SORCS2: variants seen among roughly 807,000 people sequenced by gnomAD.
SORCS2 encodes sortilin related VPS10 domain containing receptor 2, also known as VPS10 domain-containing receptor SorCS2.
In SORCS2, 100 loss-of-function variants were observed where a neutral mutation model predicts 141.6. The observed-to-expected ratio is 0.71, with a 90% CI of 0.60 to 0.83. SORCS2 has a LOEUF of 0.83. SORCS2 is among the 40% of genes least tolerant of loss of function. The pLI, the probability that SORCS2 is intolerant of heterozygous loss-of-function variation, is 0.00. For missense variants in SORCS2, 1,646 were observed against 1,560.2 expected, an observed-to-expected ratio of 1.05 and a Z score of -0.93; for synonymous variants, 789 against 676.9, an observed-to-expected ratio of 1.17 and a Z score of -2.57.
intron 1 of SORCS2, among the ~76,000 whole-genome samples, chr4:7,364,398 C>CTG (rs1450421298): frequency 6.6e-6 from 1 of 152,182 alleles, no homozygotes; most frequent in Non-Finnish European, 1.5e-5. Flanking sequence ...AGCAATGTGA[C>CTG]TGACATTTTC....
intron 2 of SORCS2, among the ~76,000 whole-genome samples, chr4:7,397,526 C>T (rs765073532): frequency 3.3e-5 from 5 of 152,092 alleles, no homozygotes; most frequent in Admixed American, 6.5e-5. Context: ...CACCAGAAAA[C>T]GGGGGGTGAG....
chr4:7,639,937 CTG>C (rs1475999118), intron 4 of SORCS2, among the ~76,000 whole-genome samples: 200 of 14,374 alleles, frequency 0.014, 5 homozygotes, highest in Admixed American at 0.056. Flanking sequence ...GAGAATATGT[CTG>C]TGTTTGTGAG....
intron 2 of SORCS2, among the ~76,000 whole-genome samples, chr4:7,419,060 C>T (rs1020287489): frequency 1.3e-5 from 2 of 152,252 alleles, no homozygotes; most frequent in South Asian, 2.1e-4. Flanking sequence ...TCTCATTGGC[C>T]AAAGCAAATC....
chr4:7,330,192 G>A (rs898384189), intron 1 of SORCS2, among the ~76,000 whole-genome samples: 4 of 151,772 alleles, frequency 2.6e-5, no homozygotes, highest in South Asian at 2.1e-4. Context: ...GGACACGTGT[G>A]ATTGCATTAG....
intron 3 of SORCS2, among the ~76,000 whole-genome samples, chr4:7,598,595 A>G (rs1347142333): frequency 2.0e-5 from 3 of 152,128 alleles, no homozygotes; most frequent in African/African-American, 7.2e-5. Flanking sequence ...GTGGGGGGCA[A>G]TGCAGGAGGC....
chr4:7,378,505 C>T (rs1460631243), intron 1 of SORCS2, among the ~76,000 whole-genome samples: 1 of 152,154 alleles, frequency 6.6e-6, no homozygotes, highest in Non-Finnish European at 1.5e-5. Context: ...AAGGGGGAAG[C>T]CCTTTATAAA....
At chr4:7,628,393 C>G (rs1012382175) in intron 3 of SORCS2, among the ~76,000 whole-genome samples, 1 of 152,026 alleles carries the variant, frequency 6.6e-6, no homozygotes, top group Non-Finnish European at 1.5e-5. Flanking sequence ...GTGGCGGGCG[C>G]CTGTAGTCCC....
intron 8 of SORCS2, among the ~76,000 whole-genome samples, chr4:7,671,036 G>A (rs1203068578): frequency 6.6e-6 from 1 of 152,140 alleles, no homozygotes; most frequent in African/African-American, 2.4e-5. Context: ...ACATTCAAAA[G>A]CAACTGTATA....
intron 2 of SORCS2, among the ~76,000 whole-genome samples, chr4:7,469,898 T>G (rs895843642): frequency 6.6e-6 from 1 of 152,186 alleles, no homozygotes; most frequent in Non-Finnish European, 1.5e-5. Context: ...CTCCTCAGTT[T>G]GTCATCAGAG....
At chr4:7,686,637 C>G (rs1723892490) in intron 10 of SORCS2, among the ~76,000 whole-genome samples, 1 of 152,240 alleles carries the variant, frequency 6.6e-6, no homozygotes, top group African/African-American at 2.4e-5. Context: ...ACCACATGCA[C>G]CCAAGGCGGG....
Position 7,550,103 on chromosome 4 carries a change from T to TA in SORCS2, c.648+18474_648+18475insA, listed in dbSNP as rs1308285127. ...CACCTGCCGGGAGCTGGTGTTTTTT[T>TA]TTTTCCGTGTGTGTGTGTGTATGTG... On this transcript the variant is annotated intron_variant, in intron 3 of 26. Coordinates refer to ENST00000507866, the MANE Select transcript of SORCS2 (RefSeq NM_020777.3). Among the ~76,000 whole-genome samples the TA allele has an allele frequency of 4.8e-5, 7 of 145,336 alleles. No individual in the cohort carries two copies. The East Asian group carries it at 1.2e-3, about 26-fold the overall frequency.
intron 5 of SORCS2, among the ~76,000 whole-genome samples, chr4:7,654,811 C>T (rs918823138): frequency 2.6e-5 from 4 of 152,222 alleles, no homozygotes; most frequent in African/African-American, 9.6e-5. Context: ...ACCCTGGCCT[C>T]CTGAGGAGCC....
chr4:7,391,678 T>C (rs1046759762), intron 1 of SORCS2, among the ~76,000 whole-genome samples: 1 of 152,204 alleles, frequency 6.6e-6, no homozygotes, highest in East Asian at 1.9e-4. Context: ...GGCTGGGCTG[T>C]GGATGTGGAT....
chr4:7,479,233 C>G (rs1323504101), intron 2 of SORCS2, among the ~76,000 whole-genome samples: 1 of 151,958 alleles, frequency 6.6e-6, no homozygotes, highest in African/African-American at 2.4e-5. Flanking sequence ...TGACCGCACA[C>G]AGGACACAGG....
At chr4:7,395,159 C>T (rs571938892) in intron 1 of SORCS2, among the ~76,000 whole-genome samples, 8 of 140,330 alleles carry the variant, frequency 5.7e-5, no homozygotes, top group South Asian at 2.1e-4. Context: ...TGTCCCATCT[C>T]GGGCAACAGC....
chr4:7,711,439 C>T (rs1435803983), intron 14 of SORCS2, among the ~76,000 whole-genome samples: 2 of 152,230 alleles, frequency 1.3e-5, no homozygotes, highest in Non-Finnish European at 2.9e-5. Flanking sequence ...AGGGACCAGA[C>T]TGGAGCAGCG....
chr4:7,727,028 G>C, intron 21 of SORCS2, 125 bp downstream of exon 21: 1 of 1,231,008 alleles, frequency 8.1e-7, no homozygotes, highest in South Asian at 1.6e-5. Flanking sequence ...GGGGTGGGGA[G>C]GGAGGGGCTG....
chr4:7,281,564 C>T (rs1715881513), intron 1 of SORCS2, among the ~76,000 whole-genome samples: 1 of 152,198 alleles, frequency 6.6e-6, no homozygotes, highest in Non-Finnish European at 1.5e-5. Context: ...GTTCCATCCT[C>T]TGTGTGTCTC....
intron 3 of SORCS2, among the ~76,000 whole-genome samples, chr4:7,569,849 C>T (rs557764162): frequency 3.9e-5 from 6 of 152,276 alleles, no homozygotes; most frequent in African/African-American, 1.4e-4. Flanking sequence ...TGTCCTCAGC[C>T]CAAATAAATG....
Sources: allele counts gnomAD v4.1 joint callset (sites outside exome capture counted in the v4.1 genomes callset), GRCh38; gene constraint gnomAD v4.1.1; transcripts MANE v1.5; gene names NCBI Gene and HGNC (gene_info 2026-07-23, HGNC 2026-07-21).